The following SMC5 variants were observed in gnomAD, a reference collection of about 807,000 sequenced individuals.
SMC5 encodes the protein structural maintenance of chromosomes 5, also known as structural maintenance of chromosomes protein 5.
Under a neutral mutation model 148.3 loss-of-function variants are expected in SMC5, and 88 were observed. The ratio of observed to expected loss-of-function variants is 0.59; its 90% CI spans 0.50 to 0.71. The LOEUF (loss-of-function observed/expected upper bound fraction) is 0.71, where lower values mean the gene tolerates loss of function less well. SMC5 is among the 30% of genes least tolerant of loss of function. SMC5 has a pLI of 0.00. For synonymous variants in SMC5, 421 were observed against 432.8 expected, an observed-to-expected ratio of 0.97 and a Z score of 0.34; for missense variants, 1,142 against 1,298.9, an observed-to-expected ratio of 0.88 and a Z score of 1.86.
intron 8 of SMC5, 116 bp from the exon 9 acceptor site, chr9:70,297,850 T>C (rs923734368): frequency 5.7e-5 from 68 of 1,192,040 alleles, no homozygotes; most frequent in Admixed American, 9.3e-5. Context: ...GGACACCTTT[T>C]AGTGAGGAAA....
intron 17 of SMC5, among the ~76,000 whole-genome samples, chr9:70,339,020 C>T (rs1325759070): frequency 1.3e-5 from 2 of 152,066 alleles, no homozygotes; most frequent in South Asian, 2.1e-4. Flanking sequence ...TTTTTTAATG[C>T]TTTTCATTGA....
chr9:70,347,858 G>A (rs887307820), intron 21 of SMC5, 61 bp from the exon 22 acceptor site: 43 of 1,460,612 alleles, frequency 2.9e-5, no homozygotes, highest in Non-Finnish European at 3.7e-5. Context: ...ACATAAAATT[G>A]TGTGTCAGAA....
intron 11 of SMC5, among the ~76,000 whole-genome samples, chr9:70,313,046 T>C (rs1434383823): frequency 6.6e-6 from 1 of 152,236 alleles, no homozygotes; most frequent in Non-Finnish European, 1.5e-5. Flanking sequence ...AGAATTTTTA[T>C]AGTAAATTGA....
intron 17 of SMC5, among the ~76,000 whole-genome samples, chr9:70,336,866 A>G (rs1045378024): frequency 2.1e-4 from 32 of 152,224 alleles, no homozygotes; most frequent in African/African-American, 7.5e-4. Context: ...GACATACCCG[A>G]GACTGGGCAG....
At chr9:70,279,187 A>C (rs2034677493) in intron 5 of SMC5, among the ~76,000 whole-genome samples, 2 of 152,220 alleles carry the variant, frequency 1.3e-5, no homozygotes, top group Non-Finnish European at 2.9e-5. Context: ...TCTACATCCC[A>C]GCAACTAAAA....
At chr9:70,346,498 T>C (rs1022167007) in intron 18 of SMC5, 107 bp from the exon 19 acceptor site, 8 of 1,074,642 alleles carry the variant, frequency 7.4e-6, no homozygotes, top group Non-Finnish European at 8.4e-6. Flanking sequence ...TCAAAGTAAT[T>C]AGATTCTCAG....
intron 8 of SMC5, among the ~76,000 whole-genome samples, chr9:70,287,123 A>G (rs911683993): frequency 2.4e-4 from 37 of 152,342 alleles, no homozygotes; most frequent in African/African-American, 7.7e-4. Flanking sequence ...GTAAAACTTT[A>G]GCCTACTGCA....
At chr9:70,259,371 G>A in intron 1 of SMC5, 108 bp downstream of exon 1, 1 of 1,204,332 alleles carries the variant, frequency 8.3e-7, no homozygotes, top group Non-Finnish European at 1.1e-6. Flanking sequence ...CCTGGCTTGT[G>A]GGTCTGGCCT....
chr9:70,281,299 C>T (rs1247547118), intron 6 of SMC5, among the ~76,000 whole-genome samples: 1 of 152,104 alleles, frequency 6.6e-6, no homozygotes, highest in Admixed American at 6.5e-5. Flanking sequence ...CCCTCGGCCT[C>T]CCAAAATACT....
intron 11 of SMC5, among the ~76,000 whole-genome samples, chr9:70,313,827 C>T (rs566203874): frequency 2.0e-5 from 3 of 152,106 alleles, no homozygotes; most frequent in African/African-American, 7.2e-5. Context: ...ATTCTGGAAT[C>T]GTGGGTAATA....
At chr9:70,287,801 C>T (rs952231709) in intron 8 of SMC5, among the ~76,000 whole-genome samples, 1 of 152,174 alleles carries the variant, frequency 6.6e-6, no homozygotes, top group Non-Finnish European at 1.5e-5. Context: ...GTTGTTTCTA[C>T]TTGGCATTTC....
intron 11 of SMC5, among the ~76,000 whole-genome samples, chr9:70,306,855 G>A (rs1173700545): frequency 6.6e-6 from 1 of 151,996 alleles, no homozygotes; most frequent in Non-Finnish European, 1.5e-5. Flanking sequence ...ATTTTAAATT[G>A]TGAAATTTAT....
chr9:70,352,145 C>A, intron 24 of SMC5, 46 bp from the exon 25 acceptor site: 1 of 1,499,328 alleles, frequency 6.7e-7, no homozygotes, highest in Non-Finnish European at 9.0e-7. Context: ...GAAAACTATA[C>A]TTCTCAGTAT....
In SMC5 at chr9:70,324,075, G is replaced by A; in HGVS notation, c.2329G>A (p.Val777Met). 6.2e-7 allele frequency: 1 copy of A among 1,600,360 alleles called. No individual in the cohort carries two copies. The highest frequency in any genetic ancestry group is 8.5e-7 in the Non-Finnish European group (1 of 1,176,808). Residue 777 changes from valine (V) to methionine (M), a missense_variant, in exon 17 of 25, where the codon GTG becomes ATG. Around this residue, in one of 5 missense-constraint regions of SMC5, gnomAD observed 743 missense variants for 835.7 expected, o/e 0.89. Coordinates refer to ENST00000361138, the MANE Select transcript of SMC5 (RefSeq NM_015110.4). ...KVDLILQNTT[V>M]ISEKNKLESD... ...AGATTTAATTCTCCAAAATACTACA[G>A]TGATCTCTGAGAAGAACAAATTAGA... is the stretch of plus-strand genomic sequence containing the variant.
intron 13 of SMC5, 32 bp downstream of exon 13, chr9:70,315,610 T>G: frequency 6.9e-7 from 1 of 1,443,306 alleles, no homozygotes; most frequent in Non-Finnish European, 9.2e-7. Context: ...TACTGAATCA[T>G]GTACCAAAAA....
chr9:70,277,012 A>G (rs571705807), intron 3 of SMC5, among the ~76,000 whole-genome samples: 75 of 152,316 alleles, frequency 4.9e-4, no homozygotes, highest in African/African-American at 1.7e-3. Context: ...TAAAGGATAA[A>G]CAACTCCAGC....
At chr9:70,286,120 T>A (rs989873546) in intron 7 of SMC5, 80 bp from the exon 8 acceptor site, 1 of 829,228 alleles carries the variant, frequency 1.2e-6, no homozygotes, top group Non-Finnish European at 2.0e-6. Context: ...AACTCGATAT[T>A]TGAATGGGCA....
chr9:70,271,045 A>G (rs574324408), intron 3 of SMC5, among the ~76,000 whole-genome samples: 1 of 150,872 alleles, frequency 6.6e-6, no homozygotes, highest in Non-Finnish European at 1.5e-5. Flanking sequence ...GAATATTTGC[A>G]TTATACTTAT....
chr9:70,295,963 T>C lies in SMC5; in HGVS notation c.1054-2003T>C, dbSNP rs562151559. ...TTCCTATTATCTGCTTTTAGGCCCA[T>C]TGAACATTGTTAATGTTCAGTGACA... On this transcript the variant is annotated intron_variant, in intron 8 of 24. Coordinates refer to ENST00000361138, the MANE Select transcript of SMC5 (RefSeq NM_015110.4). Among the ~76,000 whole-genome samples, 3 of 152,330 alleles carry C rather than the reference T, an allele frequency of 2.0e-5. No homozygotes were observed. The South Asian group carries it at 6.2e-4, about 32-fold the overall frequency.
Sources: gnomAD v4.1 joint callset for allele counts (sites outside exome capture counted in the v4.1 genomes callset) on GRCh38, gnomAD v4.1.1 for gene constraint, gnomAD v4.1.1 regional missense constraint, MANE v1.5 for transcripts, NCBI Gene and HGNC (gene_info 2026-07-23, HGNC 2026-07-21) for gene names.